Variants in LTBP4 observed in about 807,000 individuals in gnomAD.
LTBP4 encodes latent transforming growth factor beta binding protein 4.
LTBP4 carries 93 observed loss-of-function variants against 180.2 expected under a neutral mutation model. The observed-to-expected ratio is 0.52, with a 90% CI of 0.44 to 0.61. The LOEUF is 0.61. Ranked by LOEUF, LTBP4 falls within the 20% of genes least tolerant of loss-of-function variation. The pLI, the probability that LTBP4 is intolerant of heterozygous loss-of-function variation, is 0.00. For missense variants in LTBP4, 2,116 were observed against 2,256.5 expected, an observed-to-expected ratio of 0.94 and a Z score of 1.26; for synonymous variants, 947 against 934.5, an observed-to-expected ratio of 1.01 and a Z score of -0.24.
chr19:40,629,655 C>A lies in LTBP4; in HGVS notation c.*105C>A, dbSNP rs2081664535. 6 of 1,180,074 alleles carry A rather than the reference C, an allele frequency of 5.1e-6. No homozygotes were observed. The highest frequency in any genetic ancestry group is 5.4e-6 in the Non-Finnish European group (5 of 924,210). 73.1% of individuals were successfully genotyped at this position (1,180,074 alleles called of 1,614,324 possible). A position where few individuals can be genotyped will look rare whatever the true frequency, so the allele number is the denominator to read the frequency against. ...TGTGCACGGGGCCGCCCGCCTGGACCTGGAGAAGGGACCTACGGACGCCTG... is the reference window on the plus strand; with the variant it reads ...TGTGCACGGGGCCGCCCGCCTGGACATGGAGAAGGGACCTACGGACGCCTG... On this transcript the variant is annotated 3_prime_UTR_variant, in exon 30 of 30. Coordinates refer to ENST00000396819, the MANE Select transcript of LTBP4 (RefSeq NM_001042545.2). This position sits in a 1 kb window ranked among gnomAD's most constrained non-coding sequence, Gnocchi z 4.5.
In LTBP4 at chr19:40,612,106, C is replaced by G. The variant is rs2081511770; in HGVS notation, c.2213C>G (p.Pro738Arg). ...VDECENHLAC[P>R]GQECVNSPGS... The stretch of plus-strand genomic sequence containing the variant: ...GAGTGTGAGAACCACCTCGCATGCC[C>G]TGGGCAGGAGTGTGTGAACTCGCCC... Residue 738 changes from proline to arginine, a missense_variant, in exon 15 of 30, where the codon CCT becomes CGT. This residue lies in a region of LTBP4 where 877 missense variants were observed against 873.6 expected (regional missense o/e 1.00). Coordinates refer to ENST00000396819, the MANE Select transcript of LTBP4 (RefSeq NM_001042545.2). 6.2e-7 allele frequency: 1 copy of G among 1,613,606 alleles called. No homozygotes were observed. Among genetic ancestry groups the G allele is most frequent in the Non-Finnish European group, 8.5e-7 (1 of 1,179,816 alleles).
chr19:40,606,617 C>A, intron 6 of LTBP4, 91 bp downstream of exon 6: 1 of 1,465,550 alleles, frequency 6.8e-7, no homozygotes, highest in Non-Finnish European at 9.2e-7. Context: ...TCCCTCGGAC[C>A]CCCCCAGACT....
intron 21 of LTBP4, 78 bp from the exon 22 acceptor site, chr19:40,619,269 G>A: frequency 2.8e-6 from 4 of 1,441,940 alleles, no homozygotes; most frequent in Admixed American, 1.9e-5. Context: ...ATATTTGAAA[G>A]CTGAGACTTT....
Position 40,611,765 on chromosome 19 carries a change from G to A in LTBP4, c.2054-94G>A. 3 of 1,497,988 alleles carry A rather than the reference G, an allele frequency of 2.0e-6. No individual in the cohort carries two copies. The highest frequency in any genetic ancestry group is 1.3e-5 in the South Asian group (1 of 75,750). 92.8% of individuals were successfully genotyped at this position (1,497,988 alleles called of 1,614,324 possible). A position where few individuals can be genotyped will look rare whatever the true frequency, so the allele number is the denominator to read the frequency against. On this transcript the variant is annotated intron_variant, in intron 13 of 29. Transcript: ENST00000396819. This position sits in a 1 kb window ranked among gnomAD's most constrained non-coding sequence, Gnocchi z 4.4. The stretch of plus-strand genomic sequence containing the variant: ...GAGCAGCCTGAGGCAAGTCCAGAAG[G>A]CAGGCTCAAGACTGGAATGCTGGGG...
upstream of LTBP4, among the ~76,000 whole-genome samples, chr19:40,601,151 G>A (rs1263019275): frequency 6.6e-6 from 1 of 152,102 alleles, no homozygotes; most frequent in Non-Finnish European, 1.5e-5. Context: ...TTGTTGGTGC[G>A]CGGATGGGGA....
upstream of LTBP4, chr19:40,597,128 T>G: frequency 2.8e-6 from 3 of 1,069,316 alleles, no homozygotes; most frequent in Non-Finnish European, 3.6e-6. Flanking sequence ...GTGGAGAAAG[T>G]GAGTCGGCCT....
intron 6 of LTBP4, 95 bp from the exon 7 acceptor site, chr19:40,607,270 C>T: frequency 2.7e-6 from 2 of 738,192 alleles, no homozygotes; most frequent in East Asian, 4.7e-5. Context: ...AACCCCCCAC[C>T]CCCAACCCCA....
Position 40,606,271 on chromosome 19 carries a change from C to A in LTBP4, c.832C>A (p.Pro278Thr). The A allele has an allele frequency of 6.2e-7, 1 of 1,600,320 alleles. No homozygotes were observed. The change falls in exon 5 of 30, where the codon CCA becomes ACA. Residue 278 changes from proline to threonine, a missense_variant. Pro to Thr is a conservative substitution (Grantham distance 38). Around this residue, in one of 5 missense-constraint regions of LTBP4, gnomAD observed 469 missense variants for 532.5 expected, o/e 0.88. Coordinates refer to ENST00000396819, the MANE Select transcript of LTBP4 (RefSeq NM_001042545.2). ...AGTGAGCGCCCCAGATGGACCTTGT[C>A]CAACCGGCTTTGAAAGAGTTAATGG... Reference protein sequence around the residue: ...ERVSAPDGPCPTGFERVNGSC... With the variant: ...ERVSAPDGPCTTGFERVNGSC...
intron 11 of LTBP4, 120 bp from the exon 12 acceptor site, chr19:40,610,412 C>A: frequency 8.1e-7 from 1 of 1,227,492 alleles, no homozygotes; most frequent in Non-Finnish European, 1.1e-6. Context: ...CTGGCCGGGT[C>A]CCCATCCTGG....
intron 27 of LTBP4, 92 bp downstream of exon 27, chr19:40,626,101 T>C: frequency 7.1e-7 from 1 of 1,415,664 alleles, no homozygotes; most frequent in Non-Finnish European, 9.4e-7. Context: ...ACCCCCAGAC[T>C]CTATCCAAAC....
At chr19:40,602,762 G>A (rs1368410624) in intron 1 of LTBP4, among the ~76,000 whole-genome samples, 1 of 152,200 alleles carries the variant, frequency 6.6e-6, no homozygotes, top group African/African-American at 2.4e-5. Flanking sequence ...GCATGACGTT[G>A]GCTGTGGCCA....
intron 9 of LTBP4, 21 bp downstream of exon 9, chr19:40,608,624 G>T (rs371502979): frequency 3.7e-5 from 58 of 1,566,060 alleles, no homozygotes; most frequent in Non-Finnish European, 4.8e-5. Flanking sequence ...AAGAACTGAG[G>T]GCATTGGGCC....
Position 40,609,578 on chromosome 19 carries a change from G to T in LTBP4, c.1475G>T (p.Gly492Val). ...CQRNPQVCGP[G>V]RCISRPSGYT... Reference sequence around the variant, plus strand: ...CGCAACCCCCAGGTCTGCGGCCCAGGACGCTGCATTTCCCGGCCCAGCGGC... The same window carrying T: ...CGCAACCCCCAGGTCTGCGGCCCAGTACGCTGCATTTCCCGGCCCAGCGGC... The change falls in exon 10 of 30, where the codon GGA becomes GTA. Residue 492 changes from glycine (G) to valine (V), a missense_variant. Coordinates refer to ENST00000396819, the MANE Select transcript of LTBP4 (RefSeq NM_001042545.2). This position sits in a 1 kb window ranked among gnomAD's most constrained non-coding sequence, Gnocchi z 4.9. 7.4e-6 allele frequency: 12 copies of T among 1,613,524 alleles called. No homozygotes were observed. The highest frequency in any genetic ancestry group is 1.0e-5 in the Non-Finnish European group (12 of 1,179,844).
intron 11 of LTBP4, chr19:40,610,275 T>A (rs2081495976): frequency 5.7e-6 from 3 of 530,694 alleles, no homozygotes; most frequent in Non-Finnish European, 6.7e-6. Flanking sequence ...CCCAAACTGC[T>A]CCTTTCTTCT....
chr19:40,624,020 A>C lies in LTBP4; in HGVS notation c.3770A>C (p.Glu1257Ala). ...NTVGSYHCTC[E>A]PPLVLDGSQR... is the part of the protein sequence containing the mutation. ...GTGGGCTCTTATCACTGTACCTGCG[A>C]GCCCCCACTGGTGCTGGATGGCTCG... Residue 1257 changes from glutamate (E) to alanine (A), a missense_variant, in exon 26 of 30, where the codon GAG becomes GCG. Glu to Ala is a moderately radical substitution (Grantham distance 107, BLOSUM62 -1). Transcript: ENST00000396819. The C allele has an allele frequency of 6.2e-7, 1 of 1,609,596 alleles. No individual in the cohort carries two copies. Among genetic ancestry groups the C allele is most frequent in the Non-Finnish European group, 8.5e-7 (1 of 1,177,466 alleles).
intron 19 of LTBP4, among the ~76,000 whole-genome samples, chr19:40,616,310 G>A (rs956965407): frequency 1.2e-5 from 1 of 84,490 alleles, no homozygotes; most frequent in Admixed American, 9.7e-5. Context: ...AGAAAAAAAA[G>A]CTGGATGGGG....
intron 1 of LTBP4, among the ~76,000 whole-genome samples, chr19:40,603,404 T>C (rs2081437342): frequency 6.6e-6 from 1 of 152,192 alleles, no homozygotes; most frequent in Non-Finnish European, 1.5e-5. Context: ...TAAGTGCTGA[T>C]GACTTCCAGG....
In LTBP4 at chr19:40,608,493, C is replaced by G. The variant is rs757697881; in HGVS notation, c.1316C>G (p.Pro439Arg). The change falls in exon 9 of 30, where the codon CCC becomes CGC. Residue 439 changes from proline (P) to arginine (R), a missense_variant. Around this residue, in one of 5 missense-constraint regions of LTBP4, gnomAD observed 877 missense variants for 873.6 expected, o/e 1.00. Coordinates refer to ENST00000396819, the MANE Select transcript of LTBP4 (RefSeq NM_001042545.2). ...ATSRPSAGFL[P>R]THRLEPRPEP... ...ACCCCTTCTTTATCAGGCTTTCTGC[C>G]CACCCATCGCCTGGAGCCCCGGCCT... The G allele has an allele frequency of 5.6e-6, 9 of 1,603,404 alleles. No homozygotes were observed. The highest frequency in any genetic ancestry group is 7.7e-6 in the Non-Finnish European group (9 of 1,175,286).
In LTBP4 at chr19:40,627,742, G is replaced by A. The variant is rs781715352; in HGVS notation, c.4404G>A (p.Glu1468=). ...LAEPYEELEA[E]ECGILDGCTN... ...AGCCCTACGAGGAGCTGGAGGCGGA[G>A]GAGTGCGGGATCCTGGACGGCTGCA... Residue 1468 remains glutamate, a synonymous_variant, in exon 29 of 30, where the codon GAG becomes GAA. Transcript: ENST00000396819. 16 of 1,597,230 alleles carry A rather than the reference G, an allele frequency of 1.0e-5. No homozygotes were observed. In the South Asian group the frequency reaches 1.7e-4, roughly 17 times the overall value.
Sources: gnomAD v4.1 joint callset for allele counts (sites outside exome capture counted in the v4.1 genomes callset) on GRCh38, gnomAD v4.1.1 for gene constraint, gnomAD v4.1.1 regional missense constraint, Gnocchi (gnomAD v3.1) non-coding constraint, MANE v1.5 for transcripts, NCBI Gene and HGNC (gene_info 2026-07-23, HGNC 2026-07-21) for gene names.